SEMA6D: variants seen among roughly 807,000 people sequenced by gnomAD.
SEMA6D encodes semaphorin 6D.
In SEMA6D, 35 loss-of-function variants were observed where a neutral mutation model predicts 106.6. The observed-to-expected ratio is 0.33, with a 90% CI of 0.25 to 0.44. The LOEUF is 0.44. Ranked by LOEUF, SEMA6D falls within the 20% of genes least tolerant of loss-of-function variation. The pLI is 1.00. For synonymous variants in SEMA6D, 499 were observed against 487.7 expected (o/e 1.02, Z -0.31); for missense variants, 1,185 against 1,345.9 (o/e 0.88, Z 1.87).
chr15:47,572,405 T>C (rs1355810855), intron 3 of SEMA6D, among the ~76,000 whole-genome samples: 1 of 152,224 alleles, frequency 6.6e-6, no homozygotes, highest in Admixed American at 6.5e-5. Context: ...TCTTTTATAA[T>C]CATTTTCCTC....
chr15:47,615,438 G>A (rs904715809), intron 4 of SEMA6D, among the ~76,000 whole-genome samples: 1 of 152,130 alleles, frequency 6.6e-6, no homozygotes, highest in African/African-American at 2.4e-5. Context: ...CATGACTCTA[G>A]TTTTCTCACA....
intron 1 of SEMA6D, among the ~76,000 whole-genome samples, chr15:47,338,748 T>A (rs1377853251): frequency 1.3e-5 from 2 of 152,150 alleles, no homozygotes; most frequent in Non-Finnish European, 2.9e-5. Context: ...GCCTGTGATG[T>A]TATGATAGAT....
intron 1 of SEMA6D, among the ~76,000 whole-genome samples, chr15:47,220,031 A>G (rs1274077793): frequency 6.6e-6 from 1 of 152,190 alleles, no homozygotes; most frequent in African/African-American, 2.4e-5. Flanking sequence ...GTTCTAAGAG[A>G]GTGAACAGTT....
intron 4 of SEMA6D, among the ~76,000 whole-genome samples, chr15:47,644,692 C>G (rs1216392321): frequency 6.6e-6 from 1 of 152,226 alleles, no homozygotes; most frequent in Non-Finnish European, 1.5e-5. Flanking sequence ...ACCTTGATCT[C>G]AGACTTCCCC....
intron 1 of SEMA6D, among the ~76,000 whole-genome samples, chr15:47,242,486 A>G (rs1309812482): frequency 2.0e-5 from 3 of 152,126 alleles, no homozygotes; most frequent in East Asian, 1.9e-4. Flanking sequence ...GTCAGGCTCA[A>G]TCAAGTAAAA....
At chr15:47,254,353 A>ATATATATATAT (rs1555411061) in intron 1 of SEMA6D, among the ~76,000 whole-genome samples, 2 of 147,670 alleles carry the variant, frequency 1.4e-5, no homozygotes, top group Non-Finnish European at 1.5e-5. Flanking sequence ...ATATATATAT[A>ATATATATATAT]AATGATTGTG....
chr15:47,486,926 C>A (rs1349155162), intron 3 of SEMA6D, among the ~76,000 whole-genome samples: 1 of 152,064 alleles, frequency 6.6e-6, no homozygotes, highest in African/African-American at 2.4e-5. Context: ...TTTAACTTTC[C>A]CAGAACACAC....
intron 1 of SEMA6D, among the ~76,000 whole-genome samples, chr15:47,233,093 A>T (rs1377279387): frequency 6.6e-6 from 1 of 152,022 alleles, no homozygotes; most frequent in African/African-American, 2.4e-5. Flanking sequence ...CATTTAGGTA[A>T]TTAATCAATT....
chr15:47,477,055 C>A (rs2043022374), intron 3 of SEMA6D, among the ~76,000 whole-genome samples: 1 of 152,140 alleles, frequency 6.6e-6, no homozygotes, highest in Non-Finnish European at 1.5e-5. Context: ...TGTTTCCCAG[C>A]ATGTTAATTC....
chr15:47,297,086 G>A (rs7181400), intron 1 of SEMA6D, among the ~76,000 whole-genome samples: 18 of 152,044 alleles, frequency 1.2e-4, no homozygotes, highest in African/African-American at 3.4e-4. Flanking sequence ...CACACAAACC[G>A]CAGCCAGAAT....
intron 4 of SEMA6D, among the ~76,000 whole-genome samples, chr15:47,631,305 T>C (rs1476640360): frequency 6.6e-6 from 1 of 151,884 alleles, no homozygotes; most frequent in East Asian, 1.9e-4. Flanking sequence ...GTTATTTTGG[T>C]TTGAGTTTTA....
At chr15:47,486,185 A>G (rs184912550) in intron 3 of SEMA6D, among the ~76,000 whole-genome samples, 18 of 152,346 alleles carry the variant, frequency 1.2e-4, no homozygotes, top group East Asian at 1.2e-3. Context: ...GTTGCAAACA[A>G]TCTCAGCCTA....
intron 1 of SEMA6D, among the ~76,000 whole-genome samples, chr15:47,367,376 T>C (rs1182299128): frequency 1.3e-5 from 2 of 152,198 alleles, no homozygotes; most frequent in Admixed American, 1.3e-4. Context: ...TCAGGTCATT[T>C]AGAGACCTAC....
At chr15:47,220,083 C>G (rs1251626137) in intron 1 of SEMA6D, among the ~76,000 whole-genome samples, 1 of 152,182 alleles carries the variant, frequency 6.6e-6, no homozygotes, top group Non-Finnish European at 1.5e-5. Flanking sequence ...GATGAGCACA[C>G]TGTCACCTCC....
At chr15:47,631,430 A>T (rs1468034483) in intron 4 of SEMA6D, among the ~76,000 whole-genome samples, 1 of 151,790 alleles carries the variant, frequency 6.6e-6, no homozygotes, top group Non-Finnish European at 1.5e-5. Context: ...ATCCCTGGAA[A>T]TCTATAAATG....
chr15:47,449,190 A>G (rs2042114146), intron 2 of SEMA6D, among the ~76,000 whole-genome samples: 1 of 152,126 alleles, frequency 6.6e-6, no homozygotes, highest in Non-Finnish European at 1.5e-5. Context: ...ATTAGCACAT[A>G]TTCTCATGTT....
chr15:47,445,416 T>C (rs2042000592), intron 2 of SEMA6D, among the ~76,000 whole-genome samples: 1 of 151,898 alleles, frequency 6.6e-6, no homozygotes, highest in Non-Finnish European at 1.5e-5. Context: ...TTGTGGAAAA[T>C]AGGGAAGAGA....
chr15:47,718,942 G>A (rs1395351512), intron 1 of SEMA6D: 3 of 152,200 alleles, frequency 2.0e-5, no homozygotes, highest in South Asian at 2.1e-4. Context: ...AACTGATACA[G>A]TAGCCTCCTT....
At chr15:47,459,383 G>A (rs941144720) in intron 2 of SEMA6D, among the ~76,000 whole-genome samples, 2 of 152,036 alleles carry the variant, frequency 1.3e-5, no homozygotes, top group Non-Finnish European at 2.9e-5. Context: ...AGTTGAACCT[G>A]CAGATGAAAA....
Sources: gnomAD v4.1 joint callset for allele counts (sites outside exome capture counted in the v4.1 genomes callset) on GRCh38, gnomAD v4.1.1 for gene constraint, MANE v1.5 for transcripts, NCBI Gene and HGNC (gene_info 2026-07-23, HGNC 2026-07-21) for gene names.